VEPH1: variants seen among roughly 807,000 people sequenced by gnomAD.
The protein encoded by VEPH1 is ventricular zone expressed PH domain containing 1.
A neutral mutation model predicts 85.2 loss-of-function variants in VEPH1; 80 were observed. The observed-to-expected ratio is 0.94, with a 90% CI of 0.78 to 1.13. VEPH1 has a LOEUF of 1.13. Among genes scored for constraint, VEPH1 ranks in the 50% most tolerant of loss-of-function variants. VEPH1 has a pLI of 0.00. For synonymous variants in VEPH1, 297 were observed against 348.0 expected (o/e 0.85, Z 1.63); for missense variants, 955 against 980.5 (o/e 0.97, Z 0.35).
At chr3:157,392,339 G>T (rs1394895846) in intron 6 of VEPH1, among the ~76,000 whole-genome samples, 1 of 152,178 alleles carries the variant, frequency 6.6e-6, no homozygotes, top group Non-Finnish European at 1.5e-5. Flanking sequence ...GTATGTAGGG[G>T]AATTCCTCTT....
chr3:157,390,101 C>T (rs1235998883), intron 6 of VEPH1, among the ~76,000 whole-genome samples: 3 of 152,190 alleles, frequency 2.0e-5, no homozygotes, highest in Admixed American at 6.5e-5. Flanking sequence ...TGGGGACAGT[C>T]ATTTGCTTTT....
At chr3:157,397,626 G>C (rs1730511019) in intron 6 of VEPH1, among the ~76,000 whole-genome samples, 1 of 152,088 alleles carries the variant, frequency 6.6e-6, no homozygotes, top group Non-Finnish European at 1.5e-5. Flanking sequence ...TCTTTGAAGA[G>C]GGCCTTCACT....
chr3:157,262,544 A>T (rs972294835), intron 13 of VEPH1, among the ~76,000 whole-genome samples: 4 of 152,166 alleles, frequency 2.6e-5, no homozygotes, highest in Non-Finnish European at 4.4e-5. Context: ...ATGATTTAAA[A>T]AAAAAAAGAG....
At chr3:157,449,644 T>A (rs1047436502) in intron 4 of VEPH1, among the ~76,000 whole-genome samples, 1 of 152,180 alleles carries the variant, frequency 6.6e-6, no homozygotes, top group African/African-American at 2.4e-5. Flanking sequence ...TTCTTCTCCT[T>A]CTGTGAAACT....
chr3:157,407,282 T>A, intron 6 of VEPH1, among the ~76,000 whole-genome samples: 1 of 152,188 alleles, frequency 6.6e-6, no homozygotes, highest in East Asian at 1.9e-4. Flanking sequence ...TGCTGCAAAC[T>A]TATTTGAGCT....
rs1396408330 is a variant in VEPH1 at position 157,363,619 on chromosome 3, A to G, written c.1480T>C (p.Phe494Leu). The change falls in exon 9 of 14, where the codon TTT becomes CTT. Residue 494 changes from phenylalanine to leucine, a missense_variant. Transcript: ENST00000362010. ...PLGQGNDKLPFKTDTERSQLG... is the reference protein window; with the variant it reads ...PLGQGNDKLPLKTDTERSQLG... Reference sequence around the variant, plus strand: ...TGTGATCTCTCAGTGTCTGTCTTAAACGGCAGCTTGTCATTTCCTTGGCCA... The same window carrying G: ...TGTGATCTCTCAGTGTCTGTCTTAAGCGGCAGCTTGTCATTTCCTTGGCCA... 1 of 1,614,104 alleles carries G rather than the reference A, an allele frequency of 6.2e-7. No homozygotes were observed. The highest frequency in any genetic ancestry group is 8.5e-7 in the Non-Finnish European group (1 of 1,180,012).
intron 4 of VEPH1, among the ~76,000 whole-genome samples, chr3:157,456,349 T>G (rs1735380821): frequency 6.6e-6 from 1 of 152,200 alleles, no homozygotes; most frequent in Non-Finnish European, 1.5e-5. Flanking sequence ...GTGCAGAAGC[T>G]CTTTAGTTTA....
At chr3:157,379,023 T>C (rs1728465241) in intron 7 of VEPH1, among the ~76,000 whole-genome samples, 1 of 152,264 alleles carries the variant, frequency 6.6e-6, no homozygotes, top group South Asian at 2.1e-4. Context: ...TGCTTCATGA[T>C]GTTAGTTACT....
At chr3:157,371,999 A>C (rs955915316) in intron 7 of VEPH1, among the ~76,000 whole-genome samples, 1 of 152,156 alleles carries the variant, frequency 6.6e-6, no homozygotes, top group Non-Finnish European at 1.5e-5. Context: ...AAGGACTGTA[A>C]AAAACGTAGA....
At chr3:157,324,667 GTT>G (rs869154248) in intron 9 of VEPH1, among the ~76,000 whole-genome samples, 2 of 140,402 alleles carry the variant, frequency 1.4e-5, no homozygotes, top group Non-Finnish European at 1.6e-5. Flanking sequence ...ACATGATCTT[GTT>G]TTTTTTTTTT....
rs60205276 is a variant in VEPH1 at position 157,483,123 on chromosome 3, T to TACACACACAC, written c.138+12079_138+12088dup. Among the ~76,000 whole-genome samples, 616 of 147,032 alleles carry TACACACACAC rather than the reference T, an allele frequency of 4.2e-3. 5 individuals carry two copies. Among genetic ancestry groups the TACACACACAC allele is most frequent in the Middle Eastern group, 0.01 (3 of 292 alleles). ...ATCCTTCTTTCCACTTTTAAAAGCA[T>TACACACACAC]ACACACACACACACACACACACACA... On this transcript the variant is annotated intron_variant, in intron 2 of 13. Coordinates refer to ENST00000362010, the MANE Select transcript of VEPH1 (RefSeq NM_001167912.2).
At chr3:157,456,291 T>A (rs1735375316) in intron 4 of VEPH1, among the ~76,000 whole-genome samples, 1 of 152,202 alleles carries the variant, frequency 6.6e-6, no homozygotes, top group Non-Finnish European at 1.5e-5. Context: ...TTGCAAATAT[T>A]TCCTTTCATC....
chr3:157,395,394 G>A (rs73873671), intron 6 of VEPH1, among the ~76,000 whole-genome samples: 4 of 152,198 alleles, frequency 2.6e-5, no homozygotes, highest in Admixed American at 6.5e-5. Flanking sequence ...TGGCAGACAG[G>A]GCAGTCAGCG....
intron 12 of VEPH1, among the ~76,000 whole-genome samples, chr3:157,267,653 C>G (rs999622178): frequency 6.6e-6 from 1 of 152,016 alleles, no homozygotes; most frequent in Non-Finnish European, 1.5e-5. Flanking sequence ...GGTGTAATCC[C>G]AGCTATTTGG....
At chr3:157,387,726 C>A (rs1016801018) in intron 6 of VEPH1, among the ~76,000 whole-genome samples, 4 of 152,190 alleles carry the variant, frequency 2.6e-5, no homozygotes, top group Non-Finnish European at 5.9e-5. Flanking sequence ...ACTGGCTGCA[C>A]ATTAGAATCC....
At chr3:157,408,988 A>C (rs551499012) in intron 6 of VEPH1, among the ~76,000 whole-genome samples, 1 of 152,236 alleles carries the variant, frequency 6.6e-6, no homozygotes, top group East Asian at 1.9e-4. Flanking sequence ...GTGAGGAAGT[A>C]CACTCACACT....
chr3:157,284,905 T>G (rs2108363068), intron 12 of VEPH1: 1 of 152,318 alleles, frequency 6.6e-6, no homozygotes, highest in East Asian at 1.9e-4. Context: ...GTGCAGAACG[T>G]TCATTTCAAG....
chr3:157,366,156 T>C (rs1213345618), intron 7 of VEPH1, among the ~76,000 whole-genome samples: 2 of 152,230 alleles, frequency 1.3e-5, no homozygotes, highest in African/African-American at 4.8e-5. Flanking sequence ...CTGTATGCCA[T>C]GAACTCGGGA....
intron 6 of VEPH1, among the ~76,000 whole-genome samples, chr3:157,404,526 C>T (rs1731012452): frequency 6.6e-6 from 1 of 152,064 alleles, no homozygotes; most frequent in African/African-American, 2.4e-5. Flanking sequence ...TATTTGAAAA[C>T]TTCAGGAAAC....
Sources: allele counts gnomAD v4.1 joint callset (sites outside exome capture counted in the v4.1 genomes callset), GRCh38; gene constraint gnomAD v4.1.1; transcripts MANE v1.5; gene names NCBI Gene and HGNC (gene_info 2026-07-23, HGNC 2026-07-21).